Variants in LRRC4C observed in about 807,000 individuals in gnomAD.
LRRC4C encodes leucine-rich repeat-containing protein 4C.
A neutral mutation model predicts 33.6 loss-of-function variants in LRRC4C; 5 were observed. The ratio of observed to expected loss-of-function variants is 0.15; its 90% CI spans 0.08 to 0.31. The LOEUF is 0.31. LRRC4C is among the 10% of genes least tolerant of loss of function. The pLI is 1.00. For synonymous variants in LRRC4C, 329 were observed against 302.0 expected (o/e 1.09, Z -0.93); for missense variants, 560 against 796.7 (o/e 0.70, Z 3.58).
intron 1 of LRRC4C, among the ~76,000 whole-genome samples, chr11:41,151,041 C>A (rs1247251514): frequency 6.6e-6 from 1 of 152,028 alleles, no homozygotes. Flanking sequence ...CAGACACACA[C>A]ACACACAGCA....
intron 5 of LRRC4C, among the ~76,000 whole-genome samples, chr11:40,151,613 G>C (rs1046865343): frequency 2.6e-5 from 4 of 152,166 alleles, no homozygotes; most frequent in African/African-American, 9.7e-5. Context: ...GCGGAAGGTA[G>C]AGACAAAAAA....
chr11:40,683,282 C>G (rs1192856449), intron 2 of LRRC4C, among the ~76,000 whole-genome samples: 1 of 152,002 alleles, frequency 6.6e-6, no homozygotes, highest in East Asian at 1.9e-4. Context: ...ACTACCAGCA[C>G]CACTCATACC....
chr11:41,245,076 C>T (rs1948398521), intron 1 of LRRC4C, among the ~76,000 whole-genome samples: 1 of 152,120 alleles, frequency 6.6e-6, no homozygotes. Context: ...GGTTATGTTG[C>T]TCATCTTTCC....
At chr11:41,031,548 A>C (rs1856729649) in intron 1 of LRRC4C, among the ~76,000 whole-genome samples, 1 of 152,026 alleles carries the variant, frequency 6.6e-6, no homozygotes, top group African/African-American at 2.4e-5. Context: ...GACAAATCAT[A>C]GATCTAATGT....
intron 4 of LRRC4C, among the ~76,000 whole-genome samples, chr11:40,294,500 T>C (rs1944407810): frequency 6.6e-6 from 1 of 151,972 alleles, no homozygotes; most frequent in African/African-American, 2.4e-5. Context: ...CCTCTCCCAG[T>C]CAAGCACACT....
At chr11:40,995,510 C>A (rs1243251122) in intron 1 of LRRC4C, among the ~76,000 whole-genome samples, 1 of 152,128 alleles carries the variant, frequency 6.6e-6, no homozygotes, top group Non-Finnish European at 1.5e-5. Context: ...TCATCCTTTT[C>A]TTTTCCTTTC....
intron 2 of LRRC4C, among the ~76,000 whole-genome samples, chr11:40,900,471 T>C (rs1262278220): frequency 6.6e-6 from 1 of 152,090 alleles, no homozygotes; most frequent in Non-Finnish European, 1.5e-5. Flanking sequence ...GAATAATTGA[T>C]TTGAAGATGC....
chr11:40,967,538 T>C (rs560727653), intron 1 of LRRC4C, among the ~76,000 whole-genome samples: 2 of 152,172 alleles, frequency 1.3e-5, no homozygotes, highest in South Asian at 2.1e-4. Context: ...GCTCACTTCA[T>C]GTCTCAATGT....
At chr11:40,737,692 T>A (rs967135710) in intron 2 of LRRC4C, among the ~76,000 whole-genome samples, 7 of 152,034 alleles carry the variant, frequency 4.6e-5, no homozygotes, top group Admixed American at 3.3e-4. Flanking sequence ...CAAGGAGAAC[T>A]ACAAACCAAT....
intron 5 of LRRC4C, among the ~76,000 whole-genome samples, chr11:40,216,353 A>G (rs1280597700): frequency 1.3e-5 from 2 of 152,174 alleles, no homozygotes; most frequent in African/African-American, 4.8e-5. Context: ...CATATTTGCT[A>G]CTAATACTTG....
intron 3 of LRRC4C, among the ~76,000 whole-genome samples, chr11:40,448,747 T>A (rs183532154): frequency 6.6e-6 from 1 of 152,192 alleles, no homozygotes; most frequent in African/African-American, 2.4e-5. Context: ...TGATTTATAA[T>A]CTTTGGGTAT....
chr11:40,687,647 T>C (rs1945025791), intron 2 of LRRC4C, among the ~76,000 whole-genome samples: 1 of 152,110 alleles, frequency 6.6e-6, no homozygotes, highest in Admixed American at 6.6e-5. Flanking sequence ...AGTATTAATA[T>C]ATGAGAAATG....
intron 1 of LRRC4C, among the ~76,000 whole-genome samples, chr11:41,407,764 T>A (rs1462393983): frequency 6.6e-6 from 1 of 152,200 alleles, no homozygotes; most frequent in Admixed American, 6.5e-5. Flanking sequence ...ACGATTCTTA[T>A]TTCAAATATT....
intron 3 of LRRC4C, among the ~76,000 whole-genome samples, chr11:40,608,836 G>T (rs544413184): frequency 1.3e-5 from 2 of 151,912 alleles, no homozygotes; most frequent in East Asian, 3.9e-4. Context: ...AGACAGAGAA[G>T]GACATTGTAT....
intron 2 of LRRC4C, among the ~76,000 whole-genome samples, chr11:40,912,746 A>G (rs1272214754): frequency 2.0e-5 from 3 of 152,268 alleles, no homozygotes; most frequent in Admixed American, 1.3e-4. Context: ...AAAGACACAG[A>G]CTGGCAAATT....
chr11:40,218,579 T>C, intron 5 of LRRC4C, among the ~76,000 whole-genome samples: 1 of 29,030 alleles, frequency 3.4e-5, no homozygotes, highest in African/African-American at 9.0e-5. Flanking sequence ...ATGAAGAATC[T>C]ATGTATGTAT....
intron 3 of LRRC4C, among the ~76,000 whole-genome samples, chr11:40,498,155 T>C (rs1954567201): frequency 6.6e-6 from 1 of 152,188 alleles, no homozygotes; most frequent in Admixed American, 6.5e-5. Context: ...AATTTAGCTA[T>C]TCCTTTTTGT....
At chr11:41,031,000 CT>C (rs1378586470) in intron 1 of LRRC4C, among the ~76,000 whole-genome samples, 1 of 151,800 alleles carries the variant, frequency 6.6e-6, no homozygotes, top group Non-Finnish European at 1.5e-5. Flanking sequence ...TTTAATTAGG[CT>C]TGCTGAAGAA....
At chr11:41,168,828 G>T (rs1944844646) in intron 1 of LRRC4C, among the ~76,000 whole-genome samples, 1 of 152,172 alleles carries the variant, frequency 6.6e-6, no homozygotes. Flanking sequence ...CTGCCAAAAT[G>T]CCAATGGTCA....
Sources: gnomAD v4.1 joint callset for allele counts (sites outside exome capture counted in the v4.1 genomes callset) on GRCh38, gnomAD v4.1.1 for gene constraint, MANE v1.5 for transcripts, NCBI Gene and HGNC (gene_info 2026-07-23, HGNC 2026-07-21) for gene names.